Variants in FTCDNL1 observed in about 807,000 individuals in gnomAD.
FTCDNL1 encodes the protein formiminotransferase N-terminal subdomain-containing protein.
FTCDNL1 carries 11 observed loss-of-function variants against 5.9 expected under a neutral mutation model. That is an observed-to-expected ratio of 1.87 (90% CI 1.18 to 3.10). The LOEUF (loss-of-function observed/expected upper bound fraction) is 3.10. Among genes scored for constraint, FTCDNL1 ranks in the 30% most tolerant of loss-of-function variants. FTCDNL1 has a pLI of 0.00. For synonymous variants in FTCDNL1, 58 were observed against 24.8 expected, an observed-to-expected ratio of 2.34 and a Z score of -3.99; for missense variants, 115 against 65.5, an observed-to-expected ratio of 1.76 and a Z score of -2.61.
At chr2:199,738,186 G>C in the FTCDNL1 span, among the ~76,000 whole-genome samples, 1 of 152,142 alleles carries the variant, frequency 6.6e-6, no homozygotes, top group East Asian at 1.9e-4. Flanking sequence ...AGAAAGATTT[G>C]GGTTTCTCTC....
the FTCDNL1 span, among the ~76,000 whole-genome samples, chr2:199,684,978 T>C: frequency 1.2e-4 from 18 of 152,156 alleles, no homozygotes; most frequent in Non-Finnish European, 2.4e-4. Context: ...TTTTCTTTTT[T>C]CCCTGAGTCT....
intron 3 of FTCDNL1, among the ~76,000 whole-genome samples, chr2:199,779,816 A>G (rs1243880491): frequency 6.6e-6 from 1 of 152,306 alleles, no homozygotes; most frequent in African/African-American, 2.4e-5. Flanking sequence ...TCCTAAGTGT[A>G]TGGGGTTGTC....
intron 3 of FTCDNL1, among the ~76,000 whole-genome samples, chr2:199,837,660 A>G (rs1335509782): frequency 6.6e-6 from 1 of 152,214 alleles, no homozygotes; most frequent in African/African-American, 2.4e-5. Context: ...TCCAAGTCAT[A>G]AGAATAATTG....
chr2:199,735,349 C>T, the FTCDNL1 span, among the ~76,000 whole-genome samples: 3 of 152,052 alleles, frequency 2.0e-5, no homozygotes, highest in African/African-American at 4.8e-5. Context: ...TTGGTACAAG[C>T]GCAGCAACCT....
chr2:199,796,264 A>G (rs997891611), intron 3 of FTCDNL1, among the ~76,000 whole-genome samples: 3 of 152,234 alleles, frequency 2.0e-5, no homozygotes, highest in African/African-American at 4.8e-5. Flanking sequence ...AGAATAGTTC[A>G]AGAAAAAGCA....
At chr2:199,679,558 C>T in the FTCDNL1 span, among the ~76,000 whole-genome samples, 1 of 151,886 alleles carries the variant, frequency 6.6e-6, no homozygotes, top group Non-Finnish European at 1.5e-5. Flanking sequence ...TTGTGGGTGC[C>T]TGTGTTTTTC....
the FTCDNL1 span, among the ~76,000 whole-genome samples, chr2:199,732,187 C>T: frequency 2.0e-5 from 3 of 152,124 alleles, no homozygotes; most frequent in Non-Finnish European, 4.4e-5. Flanking sequence ...ACCTTCTTTT[C>T]TACTTCTCTA....
chr2:199,694,301 G>C, the FTCDNL1 span, among the ~76,000 whole-genome samples: 1 of 152,216 alleles, frequency 6.6e-6, no homozygotes, highest in African/African-American at 2.4e-5. Context: ...TCAAATCCCT[G>C]ATTCTGTTCT....
the FTCDNL1 span, among the ~76,000 whole-genome samples, chr2:199,734,232 C>A: frequency 6.6e-6 from 1 of 152,182 alleles, no homozygotes; most frequent in African/African-American, 2.4e-5. Context: ...GCTCATACAG[C>A]ATTGCGGGTG....
intron 2 of FTCDNL1, among the ~76,000 whole-genome samples, chr2:199,846,379 A>G (rs1194079573): frequency 6.6e-6 from 1 of 152,228 alleles, no homozygotes; most frequent in Non-Finnish European, 1.5e-5. Flanking sequence ...GGCTCAGCTC[A>G]GACACAAGCT....
chr2:199,759,204 T>A (rs1237994817), downstream of FTCDNL1, among the ~76,000 whole-genome samples: 1 of 151,868 alleles, frequency 6.6e-6, no homozygotes, highest in Non-Finnish European at 1.5e-5. Context: ...CCAGAGTAGA[T>A]ACACCAATTG....
chr2:199,822,011 C>G (rs746774811), intron 3 of FTCDNL1, among the ~76,000 whole-genome samples: 42 of 152,162 alleles, frequency 2.8e-4, no homozygotes, highest in Non-Finnish European at 5.7e-4. Context: ...TTTTTGGTTT[C>G]CCAGTGCATA....
rs181663919 is a variant in FTCDNL1, at chr2:199,787,957, T to C, written c.212-27122A>G. 4.2e-3 allele frequency among the ~76,000 whole-genome samples: 644 copies of C among 152,302 alleles called. 5 individuals are homozygous for C. Among genetic ancestry groups the C allele is most frequent in the African/African-American group, 0.015 (606 of 41,560 alleles). On this transcript the variant is annotated intron_variant, in intron 3 of 3. Transcript: ENST00000416668. The stretch of plus-strand genomic sequence containing the variant: ...GGTGTCATTAGCACTAAATGCAAAA[T>C]TGGAATTGTAAGCACTGCAGATTTG...
intron 3 of FTCDNL1, among the ~76,000 whole-genome samples, chr2:199,785,983 A>G (rs1002332035): frequency 3.3e-5 from 5 of 152,140 alleles, no homozygotes; most frequent in African/African-American, 9.7e-5. Context: ...TATCCCCTAC[A>G]TGTGCAGTTC....
chr2:199,697,703 T>G, the FTCDNL1 span, among the ~76,000 whole-genome samples: 1 of 152,152 alleles, frequency 6.6e-6, no homozygotes, highest in Non-Finnish European at 1.5e-5. Flanking sequence ...ACATTGACAC[T>G]ATAAAGTAAT....
At chr2:199,769,959 C>G (rs1054110211) in intron 3 of FTCDNL1, among the ~76,000 whole-genome samples, 3 of 151,978 alleles carry the variant, frequency 2.0e-5, no homozygotes, top group African/African-American at 7.2e-5. Flanking sequence ...CAAATCCTAT[C>G]TATCCTCTAA....
At chr2:199,802,611 A>G (rs1700512928) in intron 3 of FTCDNL1, among the ~76,000 whole-genome samples, 1 of 152,100 alleles carries the variant, frequency 6.6e-6, no homozygotes, top group African/African-American at 2.4e-5. Context: ...TTAAATACTG[A>G]TGGGGACTAC....
chr2:199,761,480 T>C (rs1036092726), intron 3 of FTCDNL1, among the ~76,000 whole-genome samples: 1 of 152,192 alleles, frequency 6.6e-6, no homozygotes, highest in Non-Finnish European at 1.5e-5. Flanking sequence ...GATCTCGATG[T>C]TTCTCAGCTG....
chr2:199,704,049 G>C, the FTCDNL1 span, among the ~76,000 whole-genome samples: 20 of 152,188 alleles, frequency 1.3e-4, no homozygotes, highest in African/African-American at 4.6e-4. Context: ...CGGCCCCTCA[G>C]AGGACAATTG....
Sources: gnomAD v4.1 joint callset for allele counts (sites outside exome capture counted in the v4.1 genomes callset) on GRCh38, gnomAD v4.1.1 for gene constraint, MANE v1.5 for transcripts, NCBI Gene and HGNC (gene_info 2026-07-23, HGNC 2026-07-21) for gene names.